Variants in CES5A observed in about 807,000 individuals in gnomAD.
CES5A encodes carboxylesterase 5.
Under a neutral mutation model 62.9 loss-of-function variants are expected in CES5A, and 67 were observed. The ratio of observed to expected loss-of-function variants is 1.07; its 90% confidence interval spans 0.88 to 1.31. The LOEUF is 1.31. CES5A is among the 50% of genes most tolerant of loss of function. The pLI is 0.00. For synonymous variants in CES5A, 296 were observed against 280.8 expected, an observed-to-expected ratio of 1.05 and a Z score of -0.54; for missense variants, 748 against 708.5, an observed-to-expected ratio of 1.06 and a Z score of -0.63.
chr16:55,924,413 T>C (rs1423484654), intron 1 of CES5A, among the ~76,000 whole-genome samples: 2 of 151,656 alleles, frequency 1.3e-5, no homozygotes, highest in East Asian at 3.9e-4. Flanking sequence ...ATGAAAGAAA[T>C]TGAAGCTGAC....
At chr16:55,872,155 G>C (rs1180452679) in intron 2 of CES5A, among the ~76,000 whole-genome samples, 2 of 152,096 alleles carry the variant, frequency 1.3e-5, no homozygotes, top group South Asian at 2.1e-4. Flanking sequence ...TGCCCCTGCG[G>C]CTCCCTATTC....
upstream of CES5A, among the ~76,000 whole-genome samples, chr16:55,877,036 G>A (rs1156320822): frequency 1.3e-5 from 2 of 152,182 alleles, no homozygotes; most frequent in African/African-American, 4.8e-5. Context: ...GACAGACCAT[G>A]AGCTCACCAC....
chr16:55,912,266 G>C (rs1333015841), intron 1 of CES5A, among the ~76,000 whole-genome samples: 1 of 152,242 alleles, frequency 6.6e-6, no homozygotes, highest in African/African-American at 2.4e-5. Flanking sequence ...CTGAGTGCAT[G>C]CCAGTCTCTC....
At chr16:55,950,078 T>C (rs578134940) in intron 1 of CES5A, among the ~76,000 whole-genome samples, 21 of 152,156 alleles carry the variant, frequency 1.4e-4, no homozygotes, top group Non-Finnish European at 2.8e-4. Flanking sequence ...AAGTTAGGAA[T>C]GCCTGAAAGG....
exon 1 of CES5A, chr16:55,955,913 ACCT>A: frequency 6.5e-7 from 1 of 1,535,694 alleles, no homozygotes; most frequent in Middle Eastern, 1.7e-4. Flanking sequence ...CTAACACAAA[ACCT>A]CAGCATCCCA....
intron 2 of CES5A, among the ~76,000 whole-genome samples, chr16:55,931,045 T>C (rs1055426436): frequency 3.9e-5 from 6 of 152,338 alleles, no homozygotes; most frequent in Admixed American, 3.9e-4. Context: ...CCATTTTCCA[T>C]ATGGAGAAAT....
At chr16:55,872,750 T>G (rs2033617666) in intron 2 of CES5A, among the ~76,000 whole-genome samples, 1 of 152,176 alleles carries the variant, frequency 6.6e-6, no homozygotes, top group Admixed American at 6.5e-5. Context: ...CCATCAAAGC[T>G]AGTCCAGGTG....
chr16:55,948,985 G>A (rs1328124355), intron 2 of CES5A, among the ~76,000 whole-genome samples: 2 of 152,120 alleles, frequency 1.3e-5, no homozygotes, highest in Non-Finnish European at 2.9e-5. Context: ...GTAAGGGGCC[G>A]TTGCCTCCCC....
chr16:55,939,339 C>T (rs80213531), intron 2 of CES5A, among the ~76,000 whole-genome samples: 3,633 of 152,188 alleles, frequency 0.024, 63 homozygotes, highest in Middle Eastern at 0.061. Context: ...ATCTCATGAA[C>T]TAAGAGTACA....
chr16:55,891,951 G>A (rs1451449526), intron 1 of CES5A, among the ~76,000 whole-genome samples: 3 of 152,082 alleles, frequency 2.0e-5, no homozygotes, highest in Non-Finnish European at 4.4e-5. Flanking sequence ...CATCCTTTGT[G>A]GGGGGAAATT....
chr16:55,892,724 CAAA>C (rs200542015), intron 1 of CES5A, among the ~76,000 whole-genome samples: 1 of 147,440 alleles, frequency 6.8e-6, no homozygotes, highest in Non-Finnish European at 1.5e-5. Context: ...ACAACAACAA[CAAA>C]AAAAAATAGT....
chr16:55,859,451 C>T (rs2033308183), intron 8 of CES5A, 96 bp downstream of exon 8: 3 of 1,281,114 alleles, frequency 2.3e-6, no homozygotes, highest in East Asian at 2.3e-5. Context: ...CCAGCACTTA[C>T]AATACCTGAT....
rs746378216 is a variant in CES5A at position 55,863,341 on chromosome 16, T to C, written c.810+7A>G. 7.1e-7 allele frequency: 1 copy of C among 1,405,050 alleles called. No individual in the cohort carries two copies. The highest frequency in any genetic ancestry group is 1.2e-5 in the South Asian group (1 of 86,814). 87.0% of individuals were successfully genotyped at this position (1,405,050 alleles called of 1,614,324 possible). A position where few individuals can be genotyped will look rare whatever the true frequency, so the allele number is the denominator to read the frequency against. On this transcript the variant is annotated splice_region_variant and intron_variant, in intron 6 of 12. Transcript: ENST00000290567. ...GGAAGGTGGCAAGGTGTTAACAGTA[T>C]ACGTACGTCCTCACTCTTCTCATAA...
Position 55,862,041 on chromosome 16 carries a change from C to T in CES5A, c.811-525G>A, listed in dbSNP as rs149729134. ...AATGTCCTACCTGTCTTTTTCCCTG[C>T]CTCTATACCAATCCTTTTCATTCTT... On this transcript the variant is annotated intron_variant, in intron 6 of 12. Transcript: ENST00000290567. 8.0e-3 allele frequency among the ~76,000 whole-genome samples: 1,222 copies of T among 152,168 alleles called. 16 individuals are homozygous for T. Among genetic ancestry groups the T allele is most frequent in the African/African-American group, 0.028 (1,163 of 41,510 alleles).
intron 6 of CES5A, 75 bp downstream of exon 6, chr16:55,863,273 T>C: frequency 2.4e-6 from 2 of 839,836 alleles, no homozygotes; most frequent in South Asian, 1.4e-5. Context: ...GCCAAACACA[T>C]GGTGAGAAGG....
intron 1 of CES5A, among the ~76,000 whole-genome samples, chr16:55,919,128 G>A (rs1158901213): frequency 6.6e-6 from 1 of 152,224 alleles, no homozygotes; most frequent in African/African-American, 2.4e-5. Context: ...GAAGGCTGAG[G>A]GCTGGGCACC....
At position 55,846,221 on chromosome 16, in the gene CES5A, G is replaced by C; in HGVS notation, c.*230C>G. 1 of 578,338 alleles carries C rather than the reference G, an allele frequency of 1.7e-6. No individual in the cohort carries two copies. Among genetic ancestry groups the C allele is most frequent in the Middle Eastern group, 4.6e-4 (1 of 2,184 alleles). 35.8% of individuals were successfully genotyped at this position (578,338 alleles called of 1,614,324 possible). A position where few individuals can be genotyped will look rare whatever the true frequency, so the allele number is the denominator to read the frequency against. On this transcript the variant is annotated 3_prime_UTR_variant, in exon 13 of 13. Coordinates refer to ENST00000290567, the MANE Select transcript of CES5A (RefSeq NM_001143685.2). ...CATTATTATGACAACTAATAGGCCAGCCCTCTTCCAAATTTATTGAAGAAA... is the reference window on the plus strand; with the variant it reads ...CATTATTATGACAACTAATAGGCCACCCCTCTTCCAAATTTATTGAAGAAA...
chr16:55,873,246 C>G (rs1278276782), intron 2 of CES5A, among the ~76,000 whole-genome samples: 3 of 152,140 alleles, frequency 2.0e-5, no homozygotes, highest in African/African-American at 7.2e-5. Context: ...CTGCAGTGAC[C>G]AGGAGCTCCT....
intron 2 of CES5A, chr16:55,943,992 C>T: frequency 1.4e-6 from 1 of 701,650 alleles, no homozygotes; most frequent in Non-Finnish European, 2.6e-6. Context: ...GGTATCCCAC[C>T]TGAGGATTCT....
Sources: allele counts gnomAD v4.1 joint callset (sites outside exome capture counted in the v4.1 genomes callset), GRCh38; gene constraint gnomAD v4.1.1; transcripts MANE v1.5; gene names NCBI Gene and HGNC (gene_info 2026-07-23, HGNC 2026-07-21).